NEGR1: variants seen among roughly 807,000 people sequenced by gnomAD.
The protein encoded by NEGR1 is IgLON family member 4.
In NEGR1, 10 loss-of-function variants were observed where a neutral mutation model predicts 40.9. That is an observed-to-expected ratio of 0.24 (90% CI 0.15 to 0.42). The LOEUF (loss-of-function observed/expected upper bound fraction) is 0.42, where lower values mean the gene tolerates loss of function less well. Ranked by LOEUF, NEGR1 falls within the 10% of genes least tolerant of loss-of-function variation. The probability of loss-of-function intolerance (pLI) is 1.00; values close to 1 mark genes in which losing one functional copy is unlikely to be tolerated. For synonymous variants in NEGR1, 185 were observed against 166.8 expected (o/e 1.11, Z -0.84); for missense variants, 352 against 438.9 (o/e 0.80, Z 1.77).
chr1:71,824,505 G>A (rs1045232269), intron 2 of NEGR1, among the ~76,000 whole-genome samples: 1 of 151,886 alleles, frequency 6.6e-6, no homozygotes, highest in East Asian at 1.9e-4. Flanking sequence ...GAAAGGAGGT[G>A]ACAACAGAAA....
chr1:71,421,549 GA>G (rs1646394210), intron 6 of NEGR1: 1 of 152,052 alleles, frequency 6.6e-6, no homozygotes, highest in South Asian at 2.1e-4. Flanking sequence ...TAGTATCTAA[GA>G]GTAACTGCTA....
chr1:71,719,793 C>A (rs980093417), intron 3 of NEGR1, among the ~76,000 whole-genome samples: 1 of 152,064 alleles, frequency 6.6e-6, no homozygotes, highest in Non-Finnish European at 1.5e-5. Context: ...CACCCCCTGG[C>A]AGGCCCTGGT....
intron 4 of NEGR1, among the ~76,000 whole-genome samples, chr1:71,692,929 A>C (rs1318022186): frequency 6.6e-6 from 1 of 151,796 alleles, no homozygotes; most frequent in Non-Finnish European, 1.5e-5. Flanking sequence ...ATAATTTCTG[A>C]TACCAAATAA....
chr1:72,077,729 T>A (rs1647811198), intron 1 of NEGR1, among the ~76,000 whole-genome samples: 1 of 151,994 alleles, frequency 6.6e-6, no homozygotes, highest in African/African-American at 2.4e-5. Flanking sequence ...GGGAGGAACA[T>A]TTGATCCTGG....
intron 1 of NEGR1, among the ~76,000 whole-genome samples, chr1:72,190,024 A>T (rs1487180637): frequency 6.6e-6 from 1 of 151,610 alleles, no homozygotes; most frequent in African/African-American, 2.4e-5. Flanking sequence ...AATAGCACTA[A>T]GAAGTCATCG....
intron 2 of NEGR1, among the ~76,000 whole-genome samples, chr1:71,875,774 A>G (rs1003857055): frequency 6.6e-6 from 1 of 152,164 alleles, no homozygotes; most frequent in Non-Finnish European, 1.5e-5. Context: ...TTAATAAAGA[A>G]TGTACTCAAA....
chr1:71,835,768 A>T (rs112734747), intron 2 of NEGR1, among the ~76,000 whole-genome samples: 19 of 152,004 alleles, frequency 1.2e-4, no homozygotes, highest in African/African-American at 4.6e-4. Context: ...TTGAATTATG[A>T]CTCTATCAAT....
intron 1 of NEGR1, among the ~76,000 whole-genome samples, chr1:72,131,384 T>C (rs552104634): frequency 6.6e-6 from 1 of 152,250 alleles, no homozygotes; most frequent in South Asian, 2.1e-4. Context: ...CAAGGTAGAA[T>C]ACAACAAACA....
At chr1:71,815,941 C>T (rs912841352) in intron 2 of NEGR1, among the ~76,000 whole-genome samples, 9 of 152,034 alleles carry the variant, frequency 5.9e-5, no homozygotes, top group Non-Finnish European at 1.2e-4. Context: ...AACTTTGCTA[C>T]TTTTCCACTA....
chr1:72,067,154 G>T (rs980081629), intron 1 of NEGR1, among the ~76,000 whole-genome samples: 1 of 152,052 alleles, frequency 6.6e-6, no homozygotes, highest in Non-Finnish European at 1.5e-5. Context: ...GGAAAAGATC[G>T]ATTTGATTTG....
chr1:72,205,784 A>G (rs1221499239), intron 1 of NEGR1, among the ~76,000 whole-genome samples: 1 of 126,770 alleles, frequency 7.9e-6, no homozygotes, highest in Non-Finnish European at 1.7e-5. Context: ...AAAAAAAAAA[A>G]TACAAAAATT....
chr1:71,944,717 T>C (rs970146678), intron 1 of NEGR1, among the ~76,000 whole-genome samples: 1 of 152,196 alleles, frequency 6.6e-6, no homozygotes, highest in Admixed American at 6.5e-5. Flanking sequence ...CATCTGCTTA[T>C]GTTGATCTTT....
At chr1:71,928,448 GTATATATACACACATACT>G (rs1396782841) in intron 2 of NEGR1, among the ~76,000 whole-genome samples, 1 of 127,684 alleles carries the variant, frequency 7.8e-6, no homozygotes, top group Non-Finnish European at 1.6e-5. Flanking sequence ...ACATATATAT[GTATATATACACACATACT>G]TATATATACA....
At chr1:71,941,659 G>A (rs892917069) in intron 1 of NEGR1, among the ~76,000 whole-genome samples, 3 of 152,000 alleles carry the variant, frequency 2.0e-5, no homozygotes, top group Non-Finnish European at 4.4e-5. Context: ...GATAAGAATT[G>A]TATTTTAAAA....
intron 1 of NEGR1, among the ~76,000 whole-genome samples, chr1:71,937,483 A>G (rs1369730701): frequency 1.3e-5 from 2 of 152,062 alleles, no homozygotes; most frequent in Admixed American, 6.6e-5. Flanking sequence ...ATGTTTTTCT[A>G]TTGCGTGTTC....
At chr1:71,857,571 G>A (rs1659817220) in intron 2 of NEGR1, among the ~76,000 whole-genome samples, 1 of 131,128 alleles carries the variant, frequency 7.6e-6, no homozygotes, top group Non-Finnish European at 1.5e-5. Context: ...AGGTTGCAGT[G>A]AGCCAAGATC....
At position 71,592,839 on chromosome 1, in the gene NEGR1, G is replaced by A; in HGVS notation, c.918C>T (p.Thr306=). Residue 306 remains threonine (T), a synonymous_variant, in exon 6 of 7, where the codon ACC becomes ACT. Coordinates refer to ENST00000357731, the MANE Select transcript of NEGR1 (RefSeq NM_173808.3). The part of the protein sequence containing the change: ...TCVAANKLGT[T]NASLPLNPPS... ...TACGGTTAAGAGGCAGGCTCGCATT[G>A]GTTGTGCCTAGCTTGTTGGCAGCCA... 6.2e-7 allele frequency: 1 copy of A among 1,613,078 alleles called. No individual in the cohort carries two copies. Among genetic ancestry groups the A allele is most frequent in the Non-Finnish European group, 8.5e-7 (1 of 1,179,198 alleles).
intron 1 of NEGR1, among the ~76,000 whole-genome samples, chr1:72,272,739 TC>T (rs1347215752): frequency 6.6e-6 from 1 of 151,872 alleles, no homozygotes; most frequent in Non-Finnish European, 1.5e-5. Flanking sequence ...ACAAACTCTA[TC>T]AACAGCATGA....
At chr1:72,281,926 G>C (rs1397888002) in intron 1 of NEGR1, among the ~76,000 whole-genome samples, 26 of 152,168 alleles carry the variant, frequency 1.7e-4, no homozygotes, top group Admixed American at 1.4e-3. Flanking sequence ...ACAGCAGTTT[G>C]AAAGAGTCGC....
Sources: gnomAD v4.1 joint callset for allele counts (sites outside exome capture counted in the v4.1 genomes callset) on GRCh38, gnomAD v4.1.1 for gene constraint, MANE v1.5 for transcripts, NCBI Gene and HGNC (gene_info 2026-07-23, HGNC 2026-07-21) for gene names.